Variants in PDXDC1 observed in about 807,000 individuals in gnomAD.
The protein encoded by PDXDC1 is pyridoxal-dependent decarboxylase domain-containing protein 1.
PDXDC1 carries 42 observed loss-of-function variants against 100.1 expected under a neutral mutation model. The ratio of observed to expected loss-of-function variants is 0.42; its 90% CI spans 0.33 to 0.54. The LOEUF is 0.54. Ranked by LOEUF, PDXDC1 falls within the 20% of genes least tolerant of loss-of-function variation. The pLI, the probability that PDXDC1 is intolerant of heterozygous loss-of-function variation, is 0.10. For missense variants in PDXDC1, 636 were observed against 979.2 expected (o/e 0.65, Z 4.68); for synonymous variants, 260 against 371.7 (o/e 0.70, Z 3.46).
chr16:15,093,650 C>G (rs1200618975), intron 16 of PDXDC1, among the ~76,000 whole-genome samples: 1 of 152,182 alleles, frequency 6.6e-6, no homozygotes, highest in Non-Finnish European at 1.5e-5. Context: ...CCTAATGACT[C>G]TGAAAGTTAA....
downstream of PDXDC1, among the ~76,000 whole-genome samples, chr16:15,143,486 G>A (rs2048506516): frequency 6.6e-6 from 1 of 152,184 alleles, no homozygotes; most frequent in African/African-American, 2.4e-5. Context: ...GTGAACCCCA[G>A]GTCGGGCCCC....
downstream of PDXDC1, among the ~76,000 whole-genome samples, chr16:15,142,585 G>C (rs1324785373): frequency 2.0e-5 from 3 of 152,096 alleles, no homozygotes; most frequent in East Asian, 5.8e-4. Flanking sequence ...CCCTGGGCAG[G>C]ACTCAGGTGT....
At chr16:15,033,179 C>T (rs975046251) in intron 18 of PDXDC1, 99 bp from the exon 19 acceptor site, 4 of 1,326,188 alleles carry the variant, frequency 3.0e-6, no homozygotes, top group African/African-American at 2.9e-5. Flanking sequence ...TGGAGGAGAC[C>T]CCTTTGTGTG....
chr16:15,075,584 G>C (rs536191728), intron 16 of PDXDC1, among the ~76,000 whole-genome samples: 289 of 81,966 alleles, frequency 3.5e-3, no homozygotes, highest in Non-Finnish European at 7.1e-3. Flanking sequence ...AATTAAAAAA[G>C]AAAGAAAAGA....
chr16:15,033,071 C>A, intron 18 of PDXDC1, 92 bp downstream of exon 18: 1 of 999,434 alleles, frequency 1.0e-6, no homozygotes, highest in Non-Finnish European at 1.6e-6. Flanking sequence ...AGCGGGCTAG[C>A]GCCTCTCGGG....
chr16:14,987,512 G>C (rs1375205745), intron 1 of PDXDC1, among the ~76,000 whole-genome samples: 1 of 152,296 alleles, frequency 6.6e-6, no homozygotes, highest in East Asian at 1.9e-4. Flanking sequence ...TCATAAATCT[G>C]ATTGAATATT....
intron 16 of PDXDC1, among the ~76,000 whole-genome samples, chr16:15,097,599 G>A (rs934641848): frequency 2.0e-4 from 30 of 147,896 alleles, no homozygotes; most frequent in African/African-American, 6.5e-4. Flanking sequence ...CCGAGATCGC[G>A]CCACTGCACC....
chr16:15,052,621 G>A (rs1169766080), intron 16 of PDXDC1, among the ~76,000 whole-genome samples: 2 of 152,190 alleles, frequency 1.3e-5, no homozygotes, highest in Non-Finnish European at 2.9e-5. Flanking sequence ...ATCGCTTGAG[G>A]TCAGGAGTTT....
chr16:14,993,905 AT>A (rs1971417736), intron 1 of PDXDC1, among the ~76,000 whole-genome samples: 1 of 152,276 alleles, frequency 6.6e-6, no homozygotes, highest in Admixed American at 6.5e-5. Flanking sequence ...GGTGATGAGC[AT>A]TTTTTCATGT....
intron 16 of PDXDC1, among the ~76,000 whole-genome samples, chr16:15,030,479 G>A (rs1380680778): frequency 6.7e-5 from 10 of 148,392 alleles, no homozygotes; most frequent in South Asian, 2.2e-4. Flanking sequence ...CTGGGAGGCC[G>A]AGGTTGCAGT....
chr16:15,092,325 A>G (rs576710643), intron 16 of PDXDC1, among the ~76,000 whole-genome samples: 2 of 152,328 alleles, frequency 1.3e-5, no homozygotes, highest in African/African-American at 4.8e-5. Flanking sequence ...GAAATGGGCC[A>G]AGGTGGGGGA....
At chr16:15,124,739 T>C (rs1355664152) in intron 16 of PDXDC1, among the ~76,000 whole-genome samples, 6 of 151,842 alleles carry the variant, frequency 4.0e-5, no homozygotes, top group African/African-American at 1.4e-4. Context: ...ACCACTGCAC[T>C]CCAGCCTAGG....
rs1966612325 is a variant in PDXDC1, at chr16:14,975,207, C to G, written c.8C>G (p.Ala3Gly). 7.0e-7 allele frequency: 1 copy of G among 1,433,762 alleles called. No individual in the cohort carries two copies. The highest frequency in any genetic ancestry group is 2.8e-5 in the East Asian group (1 of 35,840). 88.8% of individuals were successfully genotyped at this position (1,433,762 alleles called of 1,614,324 possible). A position where few individuals can be genotyped will look rare whatever the true frequency, so the allele number is the denominator to read the frequency against. The change falls in exon 1 of 23, where the codon GCG becomes GGG. Residue 3 changes from alanine to glycine, a missense_variant. Coordinates refer to ENST00000396410, the MANE Select transcript of PDXDC1 (RefSeq NM_015027.4). MD[A>G]SLEKIADPTL... ...CCACCGGCCGCCTCAGCCATGGACGCGTCCCTGGAGAAGGTCCGTGCCGGG... is the reference window on the plus strand; with the variant it reads ...CCACCGGCCGCCTCAGCCATGGACGGGTCCCTGGAGAAGGTCCGTGCCGGG...
chr16:14,996,698 A>AT (rs1406037827), intron 1 of PDXDC1, among the ~76,000 whole-genome samples: 141 of 152,326 alleles, frequency 9.3e-4, no homozygotes, highest in African/African-American at 3.2e-3. Context: ...CTACAAAAAA[A>AT]TTTTGAAAAT....
the PDXDC1 span, among the ~76,000 whole-genome samples, chr16:15,145,631 G>A: frequency 1.3e-5 from 2 of 152,268 alleles, no homozygotes; most frequent in African/African-American, 4.8e-5. Context: ...CCCAGATGTA[G>A]CCCTTCTCCT....
intron 16 of PDXDC1, among the ~76,000 whole-genome samples, chr16:15,092,173 C>T (rs2046159002): frequency 1.3e-5 from 2 of 151,948 alleles, no homozygotes; most frequent in Admixed American, 1.3e-4. Context: ...AGGAAGACTC[C>T]AGCACAAATA....
At chr16:15,098,043 C>T (rs2046419438) in intron 16 of PDXDC1, among the ~76,000 whole-genome samples, 1 of 141,802 alleles carries the variant, frequency 7.1e-6, no homozygotes, top group South Asian at 2.3e-4. Context: ...TCCCAAAATG[C>T]TGAGATTATA....
chr16:15,097,468 CAAAA>C (rs71152407), intron 16 of PDXDC1, among the ~76,000 whole-genome samples: 5 of 65,850 alleles, frequency 7.6e-5, no homozygotes, highest in African/African-American at 1.3e-4. Context: ...ACTAAAAATA[CAAAA>C]AAAAAAAAAA....
intron 16 of PDXDC1, among the ~76,000 whole-genome samples, chr16:15,049,808 C>T (rs1330703466): frequency 6.6e-6 from 1 of 152,156 alleles, no homozygotes; most frequent in Non-Finnish European, 1.5e-5. Flanking sequence ...GTCACAGCCA[C>T]TAACTGCACA....
Sources: gnomAD v4.1 joint callset for allele counts (sites outside exome capture counted in the v4.1 genomes callset) on GRCh38, gnomAD v4.1.1 for gene constraint, MANE v1.5 for transcripts, NCBI Gene and HGNC (gene_info 2026-07-23, HGNC 2026-07-21) for gene names.